The following ZNF597 variants were observed in gnomAD, a reference collection of about 807,000 sequenced individuals.
The protein encoded by ZNF597 is zinc finger protein 597.
ZNF597 carries 5 observed loss-of-function variants against 7.3 expected under a neutral mutation model. The observed-to-expected ratio is 0.68, with a 90% confidence interval of 0.36 to 1.44. The LOEUF (loss-of-function observed/expected upper bound fraction) is 1.44. ZNF597 is among the 40% of genes most tolerant of loss of function. ZNF597 has a pLI of 0.04. For synonymous variants in ZNF597, 209 were observed against 185.4 expected (o/e 1.13, Z -1.04); for missense variants, 585 against 517.9 (o/e 1.13, Z -1.26).
chr16:3,439,274 T>C (rs1339396273), intron 3 of ZNF597, among the ~76,000 whole-genome samples: 2 of 151,616 alleles, frequency 1.3e-5, no homozygotes, highest in Non-Finnish European at 1.5e-5. Context: ...TCCCAGCTAC[T>C]TGGGAGGCTG....
chr16:3,436,237 G>A lies in ZNF597; in HGVS notation c.*187C>T, dbSNP rs190841891. 6.4e-6 allele frequency: 4 copies of A among 623,672 alleles called. No individual in the cohort carries two copies. The highest frequency in any genetic ancestry group is 8.2e-6 in the Non-Finnish European group (3 of 366,810). 38.6% of individuals were successfully genotyped at this position (623,672 alleles called of 1,614,324 possible). A position where few individuals can be genotyped will look rare whatever the true frequency, so the allele number is the denominator to read the frequency against. On this transcript the variant is annotated 3_prime_UTR_variant, in exon 4 of 4. Coordinates refer to ENST00000301744, the MANE Select transcript of ZNF597 (RefSeq NM_152457.3). The stretch of plus-strand genomic sequence containing the variant: ...GGTTCATTCACTAGTTTAGTGACAC[G>A]GATTTTGCATCCCTACTTATAAAAT...
intron 2 of ZNF597, 104 bp from the exon 3 acceptor site, chr16:3,441,037 A>C: frequency 6.7e-7 from 1 of 1,495,838 alleles, no homozygotes; most frequent in Non-Finnish European, 8.9e-7. Context: ...CACGGGATAA[A>C]AGGCTCGGTG....
intron 3 of ZNF597, among the ~76,000 whole-genome samples, chr16:3,438,387 A>G (rs60593222): frequency 0.044 from 6,645 of 151,696 alleles, 197 homozygotes; most frequent in Middle Eastern, 0.061. Context: ...GTGAAACCCC[A>G]TCTCTACTAA....
rs528383331 is a variant in ZNF597, at chr16:3,434,707, C to T, written c.*1717G>A. 7.2e-5 allele frequency: 11 copies of T among 152,310 alleles called. No homozygotes were observed. The highest frequency in any genetic ancestry group is 2.4e-4 in the African/African-American group (10 of 41,562). The allele number at this position is 152,310 out of a possible 1,614,324, so 9.4% of individuals were successfully genotyped here. On this transcript the variant is annotated 3_prime_UTR_variant, in exon 4 of 4. Transcript: ENST00000301744. ...AGCCAGCATTTTTTGTATATTTAGT[C>T]CTCAATCTGCTGTTCTGTAGGACCA...
chr16:3,438,535 C>T (rs1448278943), intron 3 of ZNF597, among the ~76,000 whole-genome samples: 1 of 151,718 alleles, frequency 6.6e-6, no homozygotes, highest in Non-Finnish European at 1.5e-5. Context: ...TGCACTCCAG[C>T]CTGGGCGACA....
In ZNF597 at chr16:3,436,726, A is replaced by G; in HGVS notation, c.973T>C (p.Cys325Arg). The change falls in exon 4 of 4, where the codon TGC becomes CGC. Residue 325 changes from cysteine (C) to arginine (R), a missense_variant. By Grantham distance (180) the Cys-to-Arg change is radical. Coordinates refer to ENST00000301744, the MANE Select transcript of ZNF597 (RefSeq NM_152457.3). Reference protein sequence around the residue: ...EKSHDEDSERCSDDGDNFFSF... With the variant: ...EKSHDEDSERRSDDGDNFFSF... ...AAGAAATTGTCCCCATCATCGCTGCAGCGTTCAGAGTCCTCGTCGTGGCTC... is the reference window on the plus strand; with the variant it reads ...AAGAAATTGTCCCCATCATCGCTGCGGCGTTCAGAGTCCTCGTCGTGGCTC... 6.2e-7 allele frequency: 1 copy of G among 1,614,158 alleles called. No individual in the cohort carries two copies. Among genetic ancestry groups the G allele is most frequent in the Non-Finnish European group, 8.5e-7 (1 of 1,180,040 alleles).
chr16:3,438,464 G>A (rs562089115), intron 3 of ZNF597, among the ~76,000 whole-genome samples: 2 of 152,056 alleles, frequency 1.3e-5, no homozygotes, highest in African/African-American at 4.8e-5. Flanking sequence ...TCGGGAGGCT[G>A]AGGCAGGAGA....
intron 2 of ZNF597, 87 bp downstream of exon 2, chr16:3,443,034 G>A: frequency 6.5e-7 from 1 of 1,535,322 alleles, no homozygotes; most frequent in Non-Finnish European, 9.0e-7. Context: ...TACCACAACA[G>A]GCATGCCCAA....
At position 3,435,114 on chromosome 16, in the gene ZNF597, AG is replaced by A; in HGVS notation, c.*1309del. 6.6e-6 allele frequency: 1 copy of A among 152,140 alleles called. No individual in the cohort carries two copies. Among genetic ancestry groups the A allele is most frequent in the Non-Finnish European group, 1.5e-5 (1 of 68,028 alleles). The allele number at this position is 152,140 out of a possible 1,614,324, so 9.4% of individuals were successfully genotyped here. Reference sequence around the variant, plus strand: ...ATATGCATTTTCTTTGGAGATGGAGAGGAAATGTTATGGGTGTTTTTTAAAA... The same window carrying A: ...ATATGCATTTTCTTTGGAGATGGAGAGAAATGTTATGGGTGTTTTTTAAAA... On this transcript the variant is annotated 3_prime_UTR_variant, in exon 4 of 4. Coordinates refer to ENST00000301744, the MANE Select transcript of ZNF597 (RefSeq NM_152457.3).
chr16:3,440,878 G>C lies in ZNF597; in HGVS notation c.89C>G (p.Thr30Ser). The C allele has an allele frequency of 6.2e-7, 1 of 1,614,034 alleles. No homozygotes were observed. Among genetic ancestry groups the C allele is most frequent in the Non-Finnish European group, 8.5e-7 (1 of 1,179,958 alleles). ...AVYFSQEECV[T>S]LHPAQRSLSK... ...GAGGGACCTCTGGGCAGGGTGCAGAGTCACGCACTCCTCTTGAGAAAAATA... is the reference window on the plus strand; with the variant it reads ...GAGGGACCTCTGGGCAGGGTGCAGACTCACGCACTCCTCTTGAGAAAAATA... The change falls in exon 3 of 4, where the codon ACT (threonine) becomes AGT (serine). Residue 30 changes from threonine to serine, a missense_variant. Physicochemically the swap from Thr to Ser is moderately conservative, Grantham distance 58. Coordinates refer to ENST00000301744, the MANE Select transcript of ZNF597 (RefSeq NM_152457.3).
chr16:3,441,794 A>G (rs2034377716), intron 2 of ZNF597, among the ~76,000 whole-genome samples: 1 of 151,440 alleles, frequency 6.6e-6, no homozygotes, highest in Non-Finnish European at 1.5e-5. Context: ...CAACAAAAAA[A>G]ACTCTGTCTC....
rs1225511738 is a variant in ZNF597, at chr16:3,433,346, C to T, written c.*3078G>A. 2 of 152,182 alleles carry T rather than the reference C, an allele frequency of 1.3e-5. No individual in the cohort carries two copies. The highest frequency in any genetic ancestry group is 4.8e-5 in the African/African-American group (2 of 41,432). The allele number at this position is 152,182 out of a possible 1,614,324, so 9.4% of individuals were successfully genotyped here. On this transcript the variant is annotated 3_prime_UTR_variant, in exon 4 of 4. Coordinates refer to ENST00000301744, the MANE Select transcript of ZNF597 (RefSeq NM_152457.3). The stretch of plus-strand genomic sequence containing the variant: ...CTGTTTAAAAGACTGTTTAACTATT[C>T]CAGCAATCATGTTAAGGAACTGTTG...
chr16:3,441,272 G>C (rs2526286), intron 2 of ZNF597, among the ~76,000 whole-genome samples: 41,366 of 152,096 alleles, frequency 0.27, 6,152 homozygotes, highest in African/African-American at 0.4. Flanking sequence ...TTGGGGCCGG[G>C]TGTGGTGGCT....
rs2034267502 is a variant in ZNF597, at chr16:3,432,729, G to C, written c.*3695C>G. On this transcript the variant is annotated 3_prime_UTR_variant, in exon 4 of 4. Transcript: ENST00000301744. ...ACCTGTACTACTTAGATGGGCCTTG[G>C]AAAGATGGGTAATGGTTATCTTTGA... 6.6e-6 allele frequency: 1 copy of C among 152,158 alleles called. No homozygotes were observed. The highest frequency in any genetic ancestry group is 1.5e-5 in the Non-Finnish European group (1 of 68,032). 9.4% of individuals were successfully genotyped at this position (152,158 alleles called of 1,614,324 possible). A position where few individuals can be genotyped will look rare whatever the true frequency, so the allele number is the denominator to read the frequency against.
At chr16:3,440,556 C>T (rs2034355911) in intron 3 of ZNF597, among the ~76,000 whole-genome samples, 1 of 152,228 alleles carries the variant, frequency 6.6e-6, no homozygotes. Context: ...ATGGCGTGAA[C>T]CTGGGAGGCG....
At chr16:3,439,157 T>A (rs536184661) in intron 3 of ZNF597, among the ~76,000 whole-genome samples, 1 of 151,476 alleles carries the variant, frequency 6.6e-6, no homozygotes, top group Non-Finnish European at 1.5e-5. Context: ...GGTGGGAGAA[T>A]TGCTTGAGCC....
chr16:3,437,687 C>G, intron 3 of ZNF597, 149 bp from the exon 4 acceptor site: 1 of 1,306,836 alleles, frequency 7.7e-7, no homozygotes, highest in East Asian at 2.6e-5. Context: ...AAATCAGGAC[C>G]AAGCAGACTC....
In ZNF597 at chr16:3,436,794, A is replaced by G. The variant is rs762430896; in HGVS notation, c.905T>C (p.Met302Thr). ...SGPQYQHTKC[M>T]KSFRQSLYPA... is the part of the protein sequence containing the mutation. ...ATATAAGGACTGCCTGAAGCTCTTC[A>G]TGCACTTAGTGTGCTGGTACTGGGG... The change falls in exon 4 of 4, where the codon ATG (methionine) becomes ACG (threonine). Residue 302 changes from methionine to threonine, a missense_variant. Transcript: ENST00000301744. The G allele has an allele frequency of 4.3e-6, 7 of 1,613,526 alleles. No homozygotes were observed. The Admixed American group carries it at 5.0e-5, about 12-fold the overall frequency.
At chr16:3,437,591 C>T in intron 3 of ZNF597, 53 bp from the exon 4 acceptor site, 8 of 1,523,524 alleles carry the variant, frequency 5.3e-6, no homozygotes, top group African/African-American at 1.4e-5. Flanking sequence ...TCAAGGGATA[C>T]TGGGGAAAAA....
Sources: gnomAD v4.1 joint callset for allele counts (sites outside exome capture counted in the v4.1 genomes callset) on GRCh38, gnomAD v4.1.1 for gene constraint, MANE v1.5 for transcripts, NCBI Gene and HGNC (gene_info 2026-07-23, HGNC 2026-07-21) for gene names.